CDC42BPB: variants seen among roughly 807,000 people sequenced by gnomAD.
CDC42BPB encodes serine/threonine-protein kinase MRCK beta.
CDC42BPB carries 37 observed loss-of-function variants against 214.9 expected under a neutral mutation model. That is an observed-to-expected ratio of 0.17 (90% CI 0.13 to 0.23). CDC42BPB has a LOEUF of 0.23. CDC42BPB is among the 10% of genes least tolerant of loss of function. The probability of loss-of-function intolerance (pLI) is 1.00; values close to 1 mark genes in which losing one functional copy is unlikely to be tolerated. For synonymous variants in CDC42BPB, 931 were observed against 884.0 expected, an observed-to-expected ratio of 1.05 and a Z score of -0.94; for missense variants, 1,694 against 2,227.0, an observed-to-expected ratio of 0.76 and a Z score of 4.82.
At chr14:102,984,482 C>T (rs148481522) in intron 6 of CDC42BPB, among the ~76,000 whole-genome samples, 4 of 152,078 alleles carry the variant, frequency 2.6e-5, no homozygotes, top group South Asian at 2.1e-4. Context: ...CCCTGGACAG[C>T]GCACCAGGAG....
rs150060973 is a variant in CDC42BPB, at chr14:102,947,796, G to T, written c.3456C>A (p.Asp1152Glu). ...IASQVLDLRD[D>E]EFSVSSVLAS... ...CCAGGACTGAGCTCACGGAAAACTCGTCATCTCTGGTAAGGAAGAAACATT... is the reference window on the plus strand; with the variant it reads ...CCAGGACTGAGCTCACGGAAAACTCTTCATCTCTGGTAAGGAAGAAACATT... Residue 1152 changes from aspartate (D) to glutamate (E), a missense_variant, in exon 27 of 37, where the codon GAC becomes GAA. Asp to Glu is a conservative substitution (Grantham distance 45, BLOSUM62 2). Transcript: ENST00000361246. The T allele has an allele frequency of 6.2e-7, 1 of 1,612,472 alleles. No homozygotes were observed. Among genetic ancestry groups the T allele is most frequent in the Non-Finnish European group, 8.5e-7 (1 of 1,179,804 alleles).
At chr14:102,936,579 T>C (rs1891655151) in intron 36 of CDC42BPB, among the ~76,000 whole-genome samples, 1 of 146,858 alleles carries the variant, frequency 6.8e-6, no homozygotes, top group East Asian at 2.2e-4. Context: ...AACTACTGGC[T>C]GCCCAGGTGC....
intron 1 of CDC42BPB, among the ~76,000 whole-genome samples, chr14:103,052,671 A>C (rs1203384037): frequency 6.6e-6 from 1 of 152,160 alleles, no homozygotes; most frequent in Non-Finnish European, 1.5e-5. Context: ...CATGAAGAGG[A>C]AGCACATCTC....
At chr14:102,971,787 G>A (rs1330060023) in intron 13 of CDC42BPB, 132 bp downstream of exon 13, 9 of 841,514 alleles carry the variant, frequency 1.1e-5, no homozygotes, top group East Asian at 2.4e-5. Context: ...ATGCTCGGCC[G>A]ATCAACTTAC....
Position 103,041,419 on chromosome 14 carries a change from C to A in CDC42BPB, c.175+15580G>T, listed in dbSNP as rs900794946. On this transcript the variant is annotated intron_variant, in intron 1 of 36. Coordinates refer to ENST00000361246, the MANE Select transcript of CDC42BPB (RefSeq NM_006035.4). ...TTAGATATGACAGCAAAAAAAACAA[C>A]AAAAAATATTTAAATTTGTTTTCCT... 8.2e-6 allele frequency: 6 copies of A among 730,182 alleles called. No homozygotes were observed. The South Asian group carries it at 1.2e-4, about 15-fold the overall frequency. 45.2% of individuals were successfully genotyped at this position (730,182 alleles called of 1,614,324 possible).
Position 102,941,495 on chromosome 14 carries a change from C to T in CDC42BPB, c.4409-1171G>A, listed in dbSNP as rs757701316. 104 of 985,430 alleles carry T rather than the reference C, an allele frequency of 1.1e-4. No individual in the cohort carries two copies. The South Asian group carries it at 1.4e-3, about 13-fold the overall frequency. The allele number at this position is 985,430 out of a possible 1,614,324, so 61.0% of individuals were successfully genotyped here. A position where few individuals can be genotyped will look rare whatever the true frequency, so the allele number is the denominator to read the frequency against. Reference sequence around the variant, plus strand: ...TCTCAGAAGGAGCATTTCAGATGCACCTGTGAGGCCTCTGAGAACCAAGTC... The same window carrying T: ...TCTCAGAAGGAGCATTTCAGATGCATCTGTGAGGCCTCTGAGAACCAAGTC... On this transcript the variant is annotated intron_variant, in intron 30 of 36. Coordinates refer to ENST00000361246, the MANE Select transcript of CDC42BPB (RefSeq NM_006035.4).
Position 102,959,728 on chromosome 14 carries a change from G to A in CDC42BPB, c.2822-18C>T, listed in dbSNP as rs779054137. On this transcript the variant is annotated intron_variant, in intron 20 of 36. Transcript: ENST00000361246. ...TTTGAGCCCTGCAAAAAGAAACAAA[G>A]AATAGTCAAGGCAAAAAAACTAAAG... is the stretch of plus-strand genomic sequence containing the variant. 1.2e-5 allele frequency: 19 copies of A among 1,583,154 alleles called. 1 individual carries two copies. In the East Asian group the frequency reaches 3.9e-4, roughly 33 times the overall value.
At chr14:103,011,455 G>A (rs1412969333) in intron 2 of CDC42BPB, among the ~76,000 whole-genome samples, 2 of 152,126 alleles carry the variant, frequency 1.3e-5, no homozygotes, top group Non-Finnish European at 2.9e-5. Flanking sequence ...TCAGAAGGCT[G>A]GGCGTGGTGA....
chr14:102,991,457 A>C (rs1012581593), intron 5 of CDC42BPB, among the ~76,000 whole-genome samples: 2 of 152,270 alleles, frequency 1.3e-5, no homozygotes, highest in African/African-American at 4.8e-5. Context: ...CAATAAATGC[A>C]ACATGTGATC....
At chr14:103,044,962 G>A (rs1888209777) in intron 1 of CDC42BPB, among the ~76,000 whole-genome samples, 1 of 151,474 alleles carries the variant, frequency 6.6e-6, no homozygotes, top group South Asian at 2.1e-4. Context: ...CACTTTGGGA[G>A]GCCGAGGCAA....
intron 21 of CDC42BPB, among the ~76,000 whole-genome samples, chr14:102,955,703 C>A (rs1034372455): frequency 1.3e-4 from 20 of 152,200 alleles, no homozygotes; most frequent in African/African-American, 4.8e-4. Context: ...TCATCACAGG[C>A]CACTGCTGTT....
Position 103,008,462 on chromosome 14 carries a change from C to G in CDC42BPB, c.351+10G>C. On this transcript the variant is annotated intron_variant, in intron 3 of 36. Transcript: ENST00000361246. ...CCCCATTTGTATGGCTTTTCAAGCT[C>G]CATACTTACCTCTGCTCTTTTCAGC... 6.4e-7 allele frequency: 1 copy of G among 1,569,928 alleles called. No homozygotes were observed. The highest frequency in any genetic ancestry group is 8.8e-7 in the Non-Finnish European group (1 of 1,139,662).
chr14:102,935,594 AG>A (rs1186003310), intron 36 of CDC42BPB, among the ~76,000 whole-genome samples: 4 of 152,064 alleles, frequency 2.6e-5, no homozygotes, highest in African/African-American at 9.7e-5. Flanking sequence ...GTTTGAGACC[AG>A]TCTGGCCAAC....
chr14:102,942,355 C>T (rs547913909), intron 30 of CDC42BPB, among the ~76,000 whole-genome samples: 4 of 152,300 alleles, frequency 2.6e-5, no homozygotes, highest in African/African-American at 7.2e-5. Flanking sequence ...GGTATGATGC[C>T]GTCTCAGCAA....
At chr14:102,961,521 G>A (rs1892959876) in intron 20 of CDC42BPB, among the ~76,000 whole-genome samples, 1 of 149,698 alleles carries the variant, frequency 6.7e-6, no homozygotes, top group South Asian at 2.1e-4. Context: ...TTTTAGTAGA[G>A]ATGGCAAAAC....
chr14:102,945,910 G>A (rs917410114), intron 28 of CDC42BPB, among the ~76,000 whole-genome samples, 186 bp from the exon 29 acceptor site: 4 of 152,210 alleles, frequency 2.6e-5, no homozygotes, highest in Middle Eastern at 3.2e-3. Flanking sequence ...CCACAGGGCC[G>A]GCTGACTGTG....
rs146815530 is a variant in CDC42BPB, at chr14:102,996,725, T to C, written c.596+2840A>G. Among the ~76,000 whole-genome samples the C allele has an allele frequency of 1.2e-3, 183 of 151,766 alleles. 4 individuals carry two copies. In the East Asian group the frequency reaches 0.031, roughly 26 times the overall value. ...TACTCGGGAGGCTGAGGCAAGAGAATTGCTTGAACCTGGGAGGTGGAGATT... is the reference window on the plus strand; with the variant it reads ...TACTCGGGAGGCTGAGGCAAGAGAACTGCTTGAACCTGGGAGGTGGAGATT... On this transcript the variant is annotated intron_variant, in intron 5 of 36. Coordinates refer to ENST00000361246, the MANE Select transcript of CDC42BPB (RefSeq NM_006035.4).
Position 102,943,956 on chromosome 14 carries a change from A to C in CDC42BPB, c.4343T>G (p.Val1448Gly). The change falls in exon 30 of 37, where the codon GTG (valine) becomes GGG (glycine). Residue 1448 changes from valine (V) to glycine (G), a missense_variant. Transcript: ENST00000361246. The surrounding 1 kb of genome is among the most constrained non-coding windows in gnomAD (Gnocchi z 4.6). ...GCGTGCCCTCCGGCCTTGCGGGTCC[A>C]CGTACAGTCCCATGTGGCTGAAGCA... is the stretch of plus-strand genomic sequence containing the variant. ...LLCFSHMGLY[V>G]DPQGRRARAQ... is the part of the protein sequence containing the mutation. 1 of 1,612,914 alleles carries C rather than the reference A, an allele frequency of 6.2e-7. No homozygotes were observed. Among genetic ancestry groups the C allele is most frequent in the Non-Finnish European group, 8.5e-7 (1 of 1,180,002 alleles).
rs551661822 is a variant in CDC42BPB, at chr14:103,049,644, T to C, written c.175+7355A>G. 3.9e-5 allele frequency among the ~76,000 whole-genome samples: 6 copies of C among 152,344 alleles called. No individual in the cohort carries two copies. In the South Asian group the frequency reaches 6.2e-4, roughly 16 times the overall value. ...TCCAAAACTAAGTAAATGCATTACATTGATAAAAGTTAAATGATGTTAAAA... is the reference window on the plus strand; with the variant it reads ...TCCAAAACTAAGTAAATGCATTACACTGATAAAAGTTAAATGATGTTAAAA... On this transcript the variant is annotated intron_variant, in intron 1 of 36. Transcript: ENST00000361246.
Sources: allele counts gnomAD v4.1 joint callset (sites outside exome capture counted in the v4.1 genomes callset), GRCh38; gene constraint gnomAD v4.1.1; non-coding constraint Gnocchi (gnomAD v3.1); transcripts MANE v1.5; gene names NCBI Gene and HGNC (gene_info 2026-07-23, HGNC 2026-07-21).